Variants in TRIQK observed in about 807,000 individuals in gnomAD.
TRIQK encodes the protein triple QxxK/R motif-containing protein.
Under a neutral mutation model 10.8 loss-of-function variants are expected in TRIQK, and 10 were observed. The ratio of observed to expected loss-of-function variants is 0.92; its 90% confidence interval spans 0.57 to 1.57. The LOEUF (loss-of-function observed/expected upper bound fraction) is 1.57, where lower values mean the gene tolerates loss of function less well. TRIQK is among the 40% of genes most tolerant of loss of function. The pLI is 0.00. For synonymous variants in TRIQK, 33 were observed against 33.7 expected, an observed-to-expected ratio of 0.98 and a Z score of 0.07; for missense variants, 107 against 97.7, an observed-to-expected ratio of 1.09 and a Z score of -0.40.
intron 3 of TRIQK, among the ~76,000 whole-genome samples, chr8:92,901,292 G>A (rs1808924343): frequency 1.3e-5 from 2 of 152,060 alleles, no homozygotes; most frequent in Admixed American, 6.6e-5. Context: ...TGAATAACGG[G>A]GGTGGAAAGT....
At chr8:92,981,748 C>A (rs1311282231) in intron 1 of TRIQK, among the ~76,000 whole-genome samples, 2 of 151,716 alleles carry the variant, frequency 1.3e-5, no homozygotes, top group African/African-American at 4.8e-5. Context: ...ATTTCTGTGT[C>A]ATTTTGTTTT....
intron 2 of TRIQK, among the ~76,000 whole-genome samples, chr8:92,930,400 A>C (rs1311089493): frequency 6.6e-6 from 1 of 150,632 alleles, no homozygotes; most frequent in East Asian, 1.9e-4. Context: ...CAAAAAAAAA[A>C]AAAAAAAAAA....
chr8:92,981,169 A>AT (rs1032701135), intron 1 of TRIQK, among the ~76,000 whole-genome samples: 1 of 151,654 alleles, frequency 6.6e-6, no homozygotes, highest in Non-Finnish European at 1.5e-5. Context: ...AAGCAGAGCT[A>AT]TTTTTTGTGA....
chr8:92,899,814 G>T (rs957050988), intron 3 of TRIQK, among the ~76,000 whole-genome samples: 2 of 151,960 alleles, frequency 1.3e-5, no homozygotes, highest in Admixed American at 6.6e-5. Flanking sequence ...TTAGGTTTTT[G>T]GGGGAACCTC....
intron 2 of TRIQK, among the ~76,000 whole-genome samples, chr8:92,941,860 C>A (rs937894184): frequency 6.6e-6 from 1 of 152,038 alleles, no homozygotes; most frequent in Non-Finnish European, 1.5e-5. Context: ...AACATGCAAC[C>A]TACCAAGATT....
In TRIQK at chr8:93,015,472, T is replaced by C. The variant is rs572260018; in HGVS notation, c.-181+2137A>G. Among the ~76,000 whole-genome samples, 597 of 147,878 alleles carry C rather than the reference T, an allele frequency of 4.0e-3. 1 individual carries two copies. The highest frequency in any genetic ancestry group is 7.1e-3 in the Middle Eastern group (2 of 282). On this transcript the variant is annotated intron_variant, in intron 1 of 4. Coordinates refer to the TRIQK transcript ENST00000520686. Reference sequence around the variant, plus strand: ...AAAAGCATAAGCTTTTTTTTTTTTTTGCTTCTTTATCTTATTTATTTAAGG... The same window carrying C: ...AAAAGCATAAGCTTTTTTTTTTTTTCGCTTCTTTATCTTATTTATTTAAGG...
intron 2 of TRIQK, chr8:92,953,459 G>T (rs1812010026): frequency 3.3e-5 from 5 of 151,946 alleles, no homozygotes; most frequent in African/African-American, 1.2e-4. Flanking sequence ...AAATTATAGA[G>T]CAAAGAAAGA....
chr8:92,900,262 A>T (rs542583488), intron 3 of TRIQK, among the ~76,000 whole-genome samples: 1 of 152,090 alleles, frequency 6.6e-6, no homozygotes, highest in Non-Finnish European at 1.5e-5. Flanking sequence ...ATGTAATCCC[A>T]CTTCTCCATT....
At chr8:92,935,428 G>GTATTCCTTTATGTACAGTA (rs1810937306) in intron 2 of TRIQK, among the ~76,000 whole-genome samples, 1 of 151,568 alleles carries the variant, frequency 6.6e-6, no homozygotes, top group Admixed American at 6.6e-5. Flanking sequence ...TTTTGTGCAC[G>GTATTCCTTTATGTACAGTA]TTCCTTTATG....
chr8:92,893,647 A>AAACT (rs1816870760), intron 3 of TRIQK, among the ~76,000 whole-genome samples: 1 of 152,060 alleles, frequency 6.6e-6, no homozygotes, highest in Non-Finnish European at 1.5e-5. Context: ...CTCTACAGTC[A>AAACT]AACTATTCAT....
chr8:92,972,329 T>C (rs1273578116), intron 1 of TRIQK, among the ~76,000 whole-genome samples: 3 of 152,172 alleles, frequency 2.0e-5, no homozygotes, highest in Non-Finnish European at 4.4e-5. Flanking sequence ...TTTACCTTTC[T>C]CCTCCATTTA....
intron 2 of TRIQK, among the ~76,000 whole-genome samples, chr8:92,925,544 C>A (rs970182766): frequency 6.6e-6 from 1 of 151,866 alleles, no homozygotes; most frequent in Non-Finnish European, 1.5e-5. Flanking sequence ...AGGTATACAA[C>A]CTAATAATTT....
At chr8:92,947,873 G>A (rs569990667) in intron 2 of TRIQK, among the ~76,000 whole-genome samples, 5 of 151,940 alleles carry the variant, frequency 3.3e-5, no homozygotes, top group South Asian at 2.1e-4. Context: ...CTTGAGGGAC[G>A]GTAGAAGAAA....
intron 2 of TRIQK, among the ~76,000 whole-genome samples, chr8:92,923,604 A>G (rs372498595): frequency 5.9e-5 from 9 of 151,936 alleles, no homozygotes; most frequent in Non-Finnish European, 1.0e-4. Flanking sequence ...TTGAAACTTG[A>G]TAACACATAT....
intron 2 of TRIQK, among the ~76,000 whole-genome samples, chr8:92,920,091 A>AT (rs961828374): frequency 1.3e-5 from 2 of 150,938 alleles, no homozygotes; most frequent in African/African-American, 2.4e-5. Flanking sequence ...TGTTTTGTTG[A>AT]TTTTTTTTGT....
At chr8:92,976,954 A>C (rs77368595) in intron 1 of TRIQK, among the ~76,000 whole-genome samples, 3,371 of 151,976 alleles carry the variant, frequency 0.022, 51 homozygotes, top group South Asian at 0.072. Flanking sequence ...TTATCTCTCT[A>C]TATATATTAA....
At chr8:92,932,357 G>A (rs542001002) in intron 2 of TRIQK, among the ~76,000 whole-genome samples, 22 of 152,060 alleles carry the variant, frequency 1.4e-4, no homozygotes, top group Non-Finnish European at 3.1e-4. Context: ...CCTTTAACTA[G>A]CAAGTTTCTC....
chr8:92,890,849 A>C (rs13269014), intron 4 of TRIQK, among the ~76,000 whole-genome samples: 1 of 151,970 alleles, frequency 6.6e-6, no homozygotes. Flanking sequence ...CCAAGTAGCC[A>C]AATGTAAAAT....
intron 2 of TRIQK, among the ~76,000 whole-genome samples, chr8:92,933,257 A>C (rs371666825): frequency 6.6e-6 from 1 of 152,114 alleles, no homozygotes; most frequent in Non-Finnish European, 1.5e-5. Flanking sequence ...ATTATCAATG[A>C]AAGTTTTCAT....
Sources: allele counts gnomAD v4.1 joint callset (sites outside exome capture counted in the v4.1 genomes callset), GRCh38; gene constraint gnomAD v4.1.1; transcripts MANE v1.5; gene names NCBI Gene and HGNC (gene_info 2026-07-23, HGNC 2026-07-21).